The following CLASP2 variants were observed in gnomAD, a reference collection of about 807,000 sequenced individuals.
CLASP2 encodes the protein cytoplasmic linker associated protein 2.
CLASP2 carries 47 observed loss-of-function variants against 194.4 expected under a neutral mutation model. That is an observed-to-expected ratio of 0.24 (90% CI 0.19 to 0.31). The LOEUF is 0.31. CLASP2 is among the 10% of genes least tolerant of loss of function. The probability of loss-of-function intolerance (pLI) is 1.00; values close to 1 mark genes in which losing one functional copy is unlikely to be tolerated. For missense variants in CLASP2, 1,445 were observed against 1,823.6 expected (o/e 0.79, Z 3.78); for synonymous variants, 619 against 633.5 (o/e 0.98, Z 0.34).
rs995487512 is a variant in CLASP2, at chr3:33,645,597, T to C, written c.716-694A>G. ...AAAAATTCTCTATTAGCTATAATCC[T>C]TATTCTATATCAAAATTTCAAAGGC... On this transcript the variant is annotated intron_variant, in intron 7 of 38. Coordinates refer to ENST00000682230, the MANE Select transcript of CLASP2 (RefSeq NM_001365631.1). The C allele has an allele frequency of 2.6e-5, 9 of 341,692 alleles. No homozygotes were observed. In the Middle Eastern group the frequency reaches 2.3e-3, roughly 88 times the overall value. 21.2% of individuals were successfully genotyped at this position (341,692 alleles called of 1,614,324 possible). A position where few individuals can be genotyped will look rare whatever the true frequency, so the allele number is the denominator to read the frequency against.
intron 7 of CLASP2, among the ~76,000 whole-genome samples, chr3:33,651,734 AC>A (rs1485182859): frequency 7.0e-6 from 1 of 142,768 alleles, no homozygotes; most frequent in Non-Finnish European, 1.5e-5. Flanking sequence ...ATCTTGGCTC[AC>A]TGCAACCTCT....
intron 34 of CLASP2, among the ~76,000 whole-genome samples, chr3:33,525,254 A>G (rs532715757): frequency 3.3e-5 from 5 of 152,206 alleles, no homozygotes; most frequent in Non-Finnish European, 2.9e-5. Context: ...AACACAGTGA[A>G]AACAGTGCTA....
At chr3:33,683,801 G>A (rs1254358447) in intron 6 of CLASP2, among the ~76,000 whole-genome samples, 10 of 151,808 alleles carry the variant, frequency 6.6e-5, no homozygotes, top group Admixed American at 5.3e-4. Flanking sequence ...TCAGCCAGGT[G>A]TAGTGGCGTA....
intron 32 of CLASP2, among the ~76,000 whole-genome samples, chr3:33,540,719 C>T (rs2058201678): frequency 2.0e-5 from 3 of 151,472 alleles, no homozygotes; most frequent in Admixed American, 2.0e-4. Flanking sequence ...TGATGAAGCA[C>T]ACTATAATAT....
intron 7 of CLASP2, among the ~76,000 whole-genome samples, chr3:33,660,212 T>C (rs2085061651): frequency 1.3e-5 from 2 of 152,198 alleles, no homozygotes; most frequent in South Asian, 4.1e-4. Context: ...GAAAGCTCCA[T>C]AACGACACCA....
chr3:33,511,732 A>AATAGGTG (rs2049897488), intron 36 of CLASP2, among the ~76,000 whole-genome samples: 1 of 66,192 alleles, frequency 1.5e-5, no homozygotes. Context: ...CAACCCCATC[A>AATAGGTG]AAAAGTGGGC....
chr3:33,546,897 T>C (rs2059236334), intron 30 of CLASP2, among the ~76,000 whole-genome samples: 2 of 152,230 alleles, frequency 1.3e-5, no homozygotes, highest in Non-Finnish European at 2.9e-5. Flanking sequence ...CTTATCTGTT[T>C]TTCCATTTGT....
At position 33,573,466 on chromosome 3, in the gene CLASP2, TG is replaced by T. The variant is rs1210411881; in HGVS notation, c.2455-113del. The T allele has an allele frequency of 5.7e-6, 6 of 1,055,726 alleles. No individual in the cohort carries two copies. The Admixed American group carries it at 9.9e-5, about 17-fold the overall frequency. The allele number at this position is 1,055,726 out of a possible 1,614,324, so 65.4% of individuals were successfully genotyped here. ...TTTGTTTTAAAATCAGTGCAAAGCA[TG>T]CTCCTAATCATTGTAATAACAGAAT... On this transcript the variant is annotated intron_variant, in intron 24 of 38. Transcript: ENST00000682230.
At chr3:33,598,463 C>G (rs1222330973) in intron 18 of CLASP2, among the ~76,000 whole-genome samples, 1 of 152,146 alleles carries the variant, frequency 6.6e-6, no homozygotes, top group African/African-American at 2.4e-5. Context: ...ACATTCAAGA[C>G]TAACTCCCAG....
chr3:33,706,876 C>G lies in CLASP2; in HGVS notation c.196-9943G>C, dbSNP rs112471019. Among the ~76,000 whole-genome samples the G allele has an allele frequency of 7.6e-3, 1,154 of 151,998 alleles. 13 individuals carry two copies. The highest frequency in any genetic ancestry group is 0.026 in the African/African-American group (1,058 of 41,484). On this transcript the variant is annotated intron_variant, in intron 1 of 38. Coordinates refer to ENST00000682230, the MANE Select transcript of CLASP2 (RefSeq NM_001365631.1). The stretch of plus-strand genomic sequence containing the variant: ...GCTAGTTGGGAGGCTGACATAAGAG[C>G]ACTGCTTGAGCCCAGGAGGTTGAGG...
intron 9 of CLASP2, 43 bp downstream of exon 9, chr3:33,632,249 G>T: frequency 8.1e-7 from 1 of 1,231,658 alleles, no homozygotes; most frequent in Non-Finnish European, 1.1e-6. Flanking sequence ...ATATGAACAG[G>T]CACACAGGCA....
intron 21 of CLASP2, among the ~76,000 whole-genome samples, chr3:33,591,001 T>A (rs970528368): frequency 7.0e-6 from 1 of 142,872 alleles, no homozygotes; most frequent in Admixed American, 6.8e-5. Context: ...GGCAACACAG[T>A]GGGAACCCAC....
At chr3:33,604,548 G>A (rs2073269106) in intron 16 of CLASP2, among the ~76,000 whole-genome samples, 1 of 151,824 alleles carries the variant, frequency 6.6e-6, no homozygotes, top group South Asian at 2.1e-4. Flanking sequence ...CAAACTCCTG[G>A]GCTCAAGTGT....
At chr3:33,544,592 C>A in intron 31 of CLASP2, 106 bp downstream of exon 31, 1 of 1,075,570 alleles carries the variant, frequency 9.3e-7, no homozygotes, top group Non-Finnish European at 1.3e-6. Context: ...AATAAAGATG[C>A]AAAAATTATA....
chr3:33,698,277 G>A (rs1328498005), intron 1 of CLASP2, among the ~76,000 whole-genome samples: 3 of 152,090 alleles, frequency 2.0e-5, no homozygotes, highest in Admixed American at 2.0e-4. Context: ...CTATTAAGGA[G>A]AGGAAAAAGA....
chr3:33,549,442 G>A (rs915355858), intron 30 of CLASP2, among the ~76,000 whole-genome samples: 3 of 152,130 alleles, frequency 2.0e-5, no homozygotes, highest in Non-Finnish European at 4.4e-5. Flanking sequence ...TCATCTCAAT[G>A]TATTTCTTAG....
At chr3:33,501,405 G>T (rs189048424) in intron 38 of CLASP2, among the ~76,000 whole-genome samples, 1 of 152,124 alleles carries the variant, frequency 6.6e-6, no homozygotes, top group Non-Finnish European at 1.5e-5. Flanking sequence ...ACCAGAAGCT[G>T]CAGGCATTTT....
Position 33,718,035 on chromosome 3 carries a change from G to C in CLASP2, c.-33C>G, listed in dbSNP as rs976129690. ...GCCGCCCGCCCGCCTGCCAGTCTGT[G>C]AGCGGCCAACTTTCGCCGAGAGCCG... On this transcript the variant is annotated 5_prime_UTR_variant, in exon 1 of 39. Coordinates refer to ENST00000682230, the MANE Select transcript of CLASP2 (RefSeq NM_001365631.1). The C allele has an allele frequency of 6.9e-7, 1 of 1,451,600 alleles. No homozygotes were observed. The highest frequency in any genetic ancestry group is 9.0e-7 in the Non-Finnish European group (1 of 1,110,242). The allele number at this position is 1,451,600 out of a possible 1,614,324, so 89.9% of individuals were successfully genotyped here. A position where few individuals can be genotyped will look rare whatever the true frequency, so the allele number is the denominator to read the frequency against.
chr3:33,563,024 A>C (rs2062046092), intron 27 of CLASP2, among the ~76,000 whole-genome samples: 1 of 152,144 alleles, frequency 6.6e-6, no homozygotes, highest in Non-Finnish European at 1.5e-5. Context: ...CCAAGAAAGA[A>C]GTGATTTTCT....
Sources: allele counts gnomAD v4.1 joint callset (sites outside exome capture counted in the v4.1 genomes callset), GRCh38; gene constraint gnomAD v4.1.1; transcripts MANE v1.5; gene names NCBI Gene and HGNC (gene_info 2026-07-23, HGNC 2026-07-21).